CFAP46: variants seen among roughly 807,000 people sequenced by gnomAD.
CFAP46 encodes the protein cilia and flagella associated protein 46.
In CFAP46, 245 loss-of-function variants were observed where a neutral mutation model predicts 325.7. The observed-to-expected ratio is 0.75, with a 90% CI of 0.68 to 0.84. The LOEUF (loss-of-function observed/expected upper bound fraction) is 0.84, where lower values mean the gene tolerates loss of function less well. Among genes scored for constraint, CFAP46 ranks in the 40% least tolerant of loss-of-function variants. CFAP46 has a pLI of 0.00. For synonymous variants in CFAP46, 1,523 were observed against 1,495.9 expected (o/e 1.02, Z -0.42); for missense variants, 3,346 against 3,543.0 (o/e 0.94, Z 1.41).
intron 22 of CFAP46, among the ~76,000 whole-genome samples, chr10:132,905,546 TC>T (rs749795055): frequency 2.0e-5 from 3 of 151,542 alleles, no homozygotes; most frequent in Non-Finnish European, 4.4e-5. Context: ...ACTCTCTGGG[TC>T]CTTTTGTCTA....
In CFAP46 at chr10:132,919,410, G is replaced by A; in HGVS notation, c.1763C>T (p.Ala588Val). 6.5e-7 allele frequency: 1 copy of A among 1,550,096 alleles called. No homozygotes were observed. Among genetic ancestry groups the A allele is most frequent in the Non-Finnish European group, 8.7e-7 (1 of 1,146,898 alleles). ...GACGTCCCACACGCCTTGTTTCCGG[G>A]CCACTTTGGCCAGCTCTGCCCAAAT... is the stretch of plus-strand genomic sequence containing the variant. ...IQIWAELAKV[A>V]RKQGVWDVCR... Residue 588 changes from alanine to valine, a missense_variant, in exon 15 of 58, where the codon GCC becomes GTC. Physicochemically the swap from Ala to Val is moderately conservative, Grantham distance 64 (BLOSUM62 0). Coordinates refer to ENST00000368586, the MANE Select transcript of CFAP46 (RefSeq NM_001200049.3). The surrounding 1 kb of genome is among the most constrained non-coding windows in gnomAD (Gnocchi z 9.7).
At chr10:132,824,380 ATGTGTGCTGTGTGTGCTGATGTGTGTTT>A in intron 50 of CFAP46, among the ~76,000 whole-genome samples, 3 of 93,206 alleles carry the variant, frequency 3.2e-5, no homozygotes, top group Non-Finnish European at 4.0e-5. Context: ...GTGAGTGCTG[ATGTGTGCTGTGTGTGCTGATGTGTGTTT>A]TGTGTGCTGT....
rs1340910563 is a variant in CFAP46, at chr10:132,939,233, G to C, written c.372-480C>G. On this transcript the variant is annotated intron_variant, in intron 4 of 57. Coordinates refer to ENST00000368586, the MANE Select transcript of CFAP46 (RefSeq NM_001200049.3). This position sits in a 1 kb window ranked among gnomAD's most constrained non-coding sequence, Gnocchi z 4.6. ...ATGTCAGGAGGCAGCCAAGACAGTAGTAGAGGAAAAGAAGGTCAGGAAGAT... is the reference window on the plus strand; with the variant it reads ...ATGTCAGGAGGCAGCCAAGACAGTACTAGAGGAAAAGAAGGTCAGGAAGAT... 6.6e-6 allele frequency among the ~76,000 whole-genome samples: 1 copy of C among 152,188 alleles called. No individual in the cohort carries two copies. Among genetic ancestry groups the C allele is most frequent in the East Asian group, 1.9e-4 (1 of 5,186 alleles).
At chr10:132,912,182 C>G (rs1158419177) in intron 19 of CFAP46, among the ~76,000 whole-genome samples, 3 of 137,492 alleles carry the variant, frequency 2.2e-5, no homozygotes, top group Non-Finnish European at 4.7e-5. Context: ...CCTCCTCTCT[C>G]CTGTCCTCTT....
chr10:132,814,434 T>C, intron 53 of CFAP46, 143 bp downstream of exon 53: 1 of 1,191,774 alleles, frequency 8.4e-7, no homozygotes, highest in African/African-American at 1.5e-5. Context: ...CAAATTAAAA[T>C]ATTTACAGCC....
At chr10:132,833,251 A>T (rs1201359791) in intron 50 of CFAP46, 107 bp downstream of exon 50, 2 of 1,147,684 alleles carry the variant, frequency 1.7e-6, no homozygotes, top group East Asian at 2.5e-5. Context: ...ATGTTGCAAC[A>T]TTTGATGATT....
At chr10:132,940,930 T>G (rs983760535) in intron 4 of CFAP46, 66 bp downstream of exon 4, 2 of 1,495,518 alleles carry the variant, frequency 1.3e-6, no homozygotes, top group Non-Finnish European at 1.9e-6. Context: ...TACACCCACT[T>G]GATAAGTTCT....
chr10:132,902,747 G>A (rs1284341650), intron 22 of CFAP46, among the ~76,000 whole-genome samples: 1 of 152,198 alleles, frequency 6.6e-6, no homozygotes, highest in Non-Finnish European at 1.5e-5. Flanking sequence ...CTGAAAGTGT[G>A]GATTGTGTCC....
intron 41 of CFAP46, among the ~76,000 whole-genome samples, chr10:132,849,332 C>T (rs767571054): frequency 2.0e-5 from 3 of 152,360 alleles, no homozygotes; most frequent in South Asian, 4.1e-4. Flanking sequence ...GTCCTGAAGA[C>T]GCAGGACAGA....
At chr10:132,845,960 AG>A in intron 44 of CFAP46, 96 bp downstream of exon 44, 3 of 1,357,940 alleles carry the variant, frequency 2.2e-6, no homozygotes, top group Non-Finnish European at 3.0e-6. Flanking sequence ...GGGGTGAGCA[AG>A]GCTGCCTCGC....
At chr10:132,823,693 C>T (rs1343815493) in intron 50 of CFAP46, among the ~76,000 whole-genome samples, 1 of 108,878 alleles carries the variant, frequency 9.2e-6, no homozygotes, top group Non-Finnish European at 1.7e-5. Flanking sequence ...CTGATGTGTG[C>T]TGATGTGTGC....
chr10:132,886,728 A>G lies in CFAP46; in HGVS notation c.3305-769T>C, dbSNP rs913727606. On this transcript the variant is annotated intron_variant, in intron 25 of 57. Transcript: ENST00000368586. The surrounding 1 kb of genome is among the most constrained non-coding windows in gnomAD (Gnocchi z 5.8). ...CCACCTTCCGGCCAAGAGTCCTTTT[A>G]CCTCAAGGATTCCAAGAGCCCCGGG... is the stretch of plus-strand genomic sequence containing the variant. Among the ~76,000 whole-genome samples the G allele has an allele frequency of 6.6e-6, 1 of 152,134 alleles. No individual in the cohort carries two copies. Among genetic ancestry groups the G allele is most frequent in the Non-Finnish European group, 1.5e-5 (1 of 68,024 alleles).
At chr10:132,833,051 A>G (rs1197852700) in intron 50 of CFAP46, among the ~76,000 whole-genome samples, 1 of 151,570 alleles carries the variant, frequency 6.6e-6, no homozygotes, top group East Asian at 1.9e-4. Flanking sequence ...CAGCTCCCCA[A>G]AGCCTCAGTC....
At chr10:132,908,302 G>A (rs1317252540) in intron 22 of CFAP46, 166 bp downstream of exon 22, 8 of 763,838 alleles carry the variant, frequency 1.0e-5, no homozygotes, top group Non-Finnish European at 1.4e-5. Context: ...GACCTGGTGG[G>A]GCGCTCACAC....
intron 8 of CFAP46, among the ~76,000 whole-genome samples, chr10:132,934,371 T>A (rs1234933522): frequency 6.7e-6 from 1 of 148,412 alleles, no homozygotes; most frequent in African/African-American, 2.5e-5. Context: ...TATCCCAAAC[T>A]CTCAACAGTG....
intron 50 of CFAP46, among the ~76,000 whole-genome samples, chr10:132,821,576 A>ATGTGTGCTGTGTGTGTGC (rs1328737340): frequency 3.5e-5 from 3 of 84,652 alleles, no homozygotes; most frequent in Admixed American, 1.6e-4. Context: ...GTGTGCGCTG[A>ATGTGTGCTGTGTGTGTGC]TGTGTGCTGT....
Position 132,846,093 on chromosome 10 carries a change from G to C in CFAP46, c.6402C>G (p.Gly2134=), listed in dbSNP as rs750033424. The C allele has an allele frequency of 6.2e-7, 1 of 1,602,242 alleles. No individual in the cohort carries two copies. Among genetic ancestry groups the C allele is most frequent in the Non-Finnish European group, 8.5e-7 (1 of 1,178,226 alleles). Residue 2134 remains glycine (G), a synonymous_variant, in exon 44 of 58, where the codon GGC becomes GGG. Coordinates refer to ENST00000368586, the MANE Select transcript of CFAP46 (RefSeq NM_001200049.3). ...RCQDRTTTSL[G]ARVEQRLAAV... The stretch of plus-strand genomic sequence containing the variant: ...CGGCCAGCCTCTGCTCCACACGGGC[G>C]CCCAGGCTGGTGGTGGTCCTGTCTT...
intron 2 of CFAP46, 46 bp downstream of exon 2, chr10:132,941,934 C>T: frequency 1.9e-6 from 3 of 1,547,682 alleles, no homozygotes; most frequent in Non-Finnish European, 2.6e-6. Flanking sequence ...GGCCCTCCCT[C>T]TCCCTGTCAA....
At position 132,935,453 on chromosome 10, in the gene CFAP46, C is replaced by T. The variant is rs1466593982; in HGVS notation, c.756-591G>A. Among the ~76,000 whole-genome samples the T allele has an allele frequency of 5.1e-3, 513 of 100,960 alleles. 5 individuals carry two copies. Among genetic ancestry groups the T allele is most frequent in the Non-Finnish European group, 7.0e-3 (361 of 51,350 alleles). The allele number at this position is 100,960 out of a possible 152,430, so 66.2% of individuals were successfully genotyped here. A position where few individuals can be genotyped will look rare whatever the true frequency, so the allele number is the denominator to read the frequency against. On this transcript the variant is annotated intron_variant, in intron 7 of 57. Coordinates refer to ENST00000368586, the MANE Select transcript of CFAP46 (RefSeq NM_001200049.3). ...TTCCCCTCAGCACCCAAACACACTG[C>T]GATCTCCTCACTCCCCTCAGCACCC...
Sources: allele counts gnomAD v4.1 joint callset (sites outside exome capture counted in the v4.1 genomes callset), GRCh38; gene constraint gnomAD v4.1.1; non-coding constraint Gnocchi (gnomAD v3.1); transcripts MANE v1.5; gene names NCBI Gene and HGNC (gene_info 2026-07-23, HGNC 2026-07-21).